The following ALPK2 variants were observed in gnomAD, a reference collection of about 807,000 sequenced individuals.
The protein encoded by ALPK2 is alpha-protein kinase 2.
In ALPK2, 127 loss-of-function variants were observed where a neutral mutation model predicts 163.1. The ratio of observed to expected loss-of-function variants is 0.78; its 90% confidence interval spans 0.67 to 0.90. The LOEUF (loss-of-function observed/expected upper bound fraction) is 0.90, where lower values mean the gene tolerates loss of function less well. Among genes scored for constraint, ALPK2 ranks in the 40% least tolerant of loss-of-function variants. The probability of loss-of-function intolerance (pLI) is 0.00; values close to 1 mark genes in which losing one functional copy is unlikely to be tolerated. For synonymous variants in ALPK2, 953 were observed against 959.1 expected (o/e 0.99, Z 0.12); for missense variants, 2,360 against 2,589.6 (o/e 0.91, Z 1.92).
chr18:58,600,025 A>ATTTTTT (rs1568097627), intron 3 of ALPK2, among the ~76,000 whole-genome samples: 2 of 82,902 alleles, frequency 2.4e-5, no homozygotes, highest in East Asian at 5.8e-4. Flanking sequence ...CAATGGGGAT[A>ATTTTTT]TCTTTTTTTT....
chr18:58,600,257 G>A (rs2052062507), intron 3 of ALPK2, among the ~76,000 whole-genome samples: 1 of 152,032 alleles, frequency 6.6e-6, no homozygotes, highest in Admixed American at 6.6e-5. Flanking sequence ...GGCTGGTCTT[G>A]AACTCCTGAC....
In ALPK2 at chr18:58,538,174, T is replaced by C. The variant is rs1416024877; in HGVS notation, c.2013A>G (p.Pro671=). The C allele has an allele frequency of 6.2e-7, 1 of 1,613,488 alleles. No homozygotes were observed. The highest frequency in any genetic ancestry group is 1.7e-5 in the Admixed American group (1 of 60,028). ...VRETISCSQM[P]AFSEPAGEES... The stretch of plus-strand genomic sequence containing the variant: ...CCTCCCCAGCAGGCTCTGAGAAAGC[T>C]GGCATCTGGCTGCAAGAGATTGTCT... The change falls in exon 5 of 13, where the codon CCA becomes CCG. Residue 671 remains proline (P), a synonymous_variant. Transcript: ENST00000361673.
intron 1 of ALPK2, 106 bp from the exon 2 acceptor site, chr18:58,611,923 G>A (rs927370675): frequency 6.9e-5 from 46 of 667,922 alleles, no homozygotes; most frequent in Admixed American, 1.6e-4. Flanking sequence ...CTCACTGCAC[G>A]CTGGAGGGTG....
chr18:58,627,147 A>T (rs2052235163), intron 1 of ALPK2, among the ~76,000 whole-genome samples: 1 of 152,184 alleles, frequency 6.6e-6, no homozygotes. Flanking sequence ...CATCCAGAGT[A>T]AGATACTAAC....
chr18:58,516,201 A>C (rs147550580), intron 9 of ALPK2, among the ~76,000 whole-genome samples: 2,773 of 151,786 alleles, frequency 0.018, 83 homozygotes, highest in African/African-American at 0.063. Context: ...GCCTGGGGGA[A>C]AGAGTGAGAC....
chr18:58,504,480 GTCCA>G (rs142981161), intron 10 of ALPK2, among the ~76,000 whole-genome samples: 17,003 of 152,022 alleles, frequency 0.11, 1,157 homozygotes, highest in East Asian at 0.37. Context: ...CCATCCATTT[GTCCA>G]TCCATTCATC....
At chr18:58,531,979 G>A (rs1237267452) in intron 5 of ALPK2, among the ~76,000 whole-genome samples, 2 of 146,634 alleles carry the variant, frequency 1.4e-5, no homozygotes, top group African/African-American at 5.0e-5. Flanking sequence ...CTGTTGTCAA[G>A]GGCTGGCCCT....
Position 58,536,453 on chromosome 18 carries a change from G to A in ALPK2, c.3734C>T (p.Ala1245Val). 6.2e-7 allele frequency: 1 copy of A among 1,614,134 alleles called. No individual in the cohort carries two copies. The highest frequency in any genetic ancestry group is 1.1e-5 in the South Asian group (1 of 91,080). ...TTGTCGTGGTGGCCAGATTTCAGAA[G>A]CGGAAGCCTCTAGAGTTATAATCTT... The part of the protein sequence containing the change: ...KLKIITLEAS[A>V]SEIWPPRQLT... Residue 1245 changes from alanine to valine, a missense_variant, in exon 5 of 13, where the codon GCT (alanine) becomes GTT (valine). Coordinates refer to ENST00000361673, the MANE Select transcript of ALPK2 (RefSeq NM_052947.4).
intron 11 of ALPK2, 97 bp downstream of exon 11, chr18:58,503,834 C>T (rs765312496): frequency 3.6e-5 from 40 of 1,116,350 alleles, no homozygotes; most frequent in Non-Finnish European, 5.1e-5. Context: ...AGGTACCCAG[C>T]AGGCCTATCC....
intron 4 of ALPK2, among the ~76,000 whole-genome samples, chr18:58,575,395 A>G (rs1353988795): frequency 1.3e-5 from 2 of 152,116 alleles, no homozygotes; most frequent in African/African-American, 4.8e-5. Context: ...ACGGAGCTCA[A>G]TTCTGTGCTT....
At chr18:58,605,534 A>G (rs904912758) in intron 3 of ALPK2, among the ~76,000 whole-genome samples, 13 of 152,236 alleles carry the variant, frequency 8.5e-5, no homozygotes, top group Admixed American at 6.5e-5. Flanking sequence ...TGAGGCCCAC[A>G]GTCTACTGAA....
Position 58,523,796 on chromosome 18 carries a change from A to T in ALPK2, c.5665+10T>A. ...CATTTCCTCTGGCAGGTCAACCCTA[A>T]CTGACTTACCTTTAGTATCCTGGCG... On this transcript the variant is annotated intron_variant, in intron 8 of 12. Transcript: ENST00000361673. 1 of 1,614,152 alleles carries T rather than the reference A, an allele frequency of 6.2e-7. No homozygotes were observed. Among genetic ancestry groups the T allele is most frequent in the Non-Finnish European group, 8.5e-7 (1 of 1,180,002 alleles).
Position 58,523,813 on chromosome 18 carries a change from A to C in ALPK2, c.5658T>G (p.Asp1886Glu). ...CAACCCTAACTGACTTACCTTTAGT[A>C]TCCTGGCGACTTGACAGCTGTTTGA... Reference protein sequence around the residue: ...EVLKQLSSRQDTKGCEEIEFS... With the variant: ...EVLKQLSSRQETKGCEEIEFS... Residue 1886 changes from aspartate (D) to glutamate (E), a missense_variant, in exon 8 of 13, where the codon GAT becomes GAG. Physicochemically the swap from Asp to Glu is conservative, Grantham distance 45. Transcript: ENST00000361673. 6.2e-7 allele frequency: 1 copy of C among 1,614,176 alleles called. No homozygotes were observed. The highest frequency in any genetic ancestry group is 8.5e-7 in the Non-Finnish European group (1 of 1,180,028).
In ALPK2 at chr18:58,535,937, G is replaced by T. The variant is rs1787207765; in HGVS notation, c.4250C>A (p.Ala1417Asp). 6 of 1,614,200 alleles carry T rather than the reference G, an allele frequency of 3.7e-6. No homozygotes were observed. The highest frequency in any genetic ancestry group is 5.1e-6 in the Non-Finnish European group (6 of 1,180,036). The change falls in exon 5 of 13, where the codon GCT (alanine) becomes GAT (aspartate). Residue 1417 changes from alanine to aspartate, a missense_variant. Physicochemically the swap from Ala to Asp is moderately radical, Grantham distance 126 (BLOSUM62 -2). Transcript: ENST00000361673. ...DEISVIEYTR[A>D]GKPEPSETTP... ...GGTTTCAGAGGGCTCTGGTTTTCCA[G>T]CCCTGGTGTACTCTATCACACTTAT...
Position 58,536,278 on chromosome 18 carries a change from A to G in ALPK2, c.3909T>C (p.Ala1303=). 1 of 1,614,186 alleles carries G rather than the reference A, an allele frequency of 6.2e-7. No homozygotes were observed. Among genetic ancestry groups the G allele is most frequent in the Non-Finnish European group, 8.5e-7 (1 of 1,180,026 alleles). Residue 1303 remains alanine (A), a synonymous_variant, in exon 5 of 13, where the codon GCT becomes GCC. Coordinates refer to ENST00000361673, the MANE Select transcript of ALPK2 (RefSeq NM_052947.4). The stretch of plus-strand genomic sequence containing the variant: ...CTCTGCTATCAGCAAGGGCTGACTC[A>G]GCATCCTCTGGACTGTGAGCCAATG... The part of the protein sequence containing the change: ...IAALAHSPED[A]ESALADSRES...
intron 4 of ALPK2, among the ~76,000 whole-genome samples, chr18:58,539,631 G>A (rs2051679749): frequency 1.3e-5 from 2 of 152,196 alleles, no homozygotes; most frequent in Non-Finnish European, 2.9e-5. Context: ...GATGTGCAGG[G>A]AACAGATGAC....
In ALPK2 at chr18:58,573,374, A is replaced by ATG. The variant is rs1316024729; in HGVS notation, c.1962+5438_1962+5439dup. ...TATATATATGTGTGTGTATATATAT[A>ATG]TGTGTGTGTATATATATATATGTGT... On this transcript the variant is annotated intron_variant, in intron 4 of 12. Transcript: ENST00000361673. Among the ~76,000 whole-genome samples, 72 of 144,126 alleles carry ATG rather than the reference A, an allele frequency of 5.0e-4. 1 individual carries two copies. The highest frequency in any genetic ancestry group is 1.5e-3 in the African/African-American group (57 of 38,668). 94.6% of individuals were successfully genotyped at this position (144,126 alleles called of 152,430 possible).
At chr18:58,546,028 A>G (rs1048286141) in intron 4 of ALPK2, among the ~76,000 whole-genome samples, 1 of 152,232 alleles carries the variant, frequency 6.6e-6, no homozygotes, top group Non-Finnish European at 1.5e-5. Flanking sequence ...GAAAGCTTAA[A>G]GGCAAGCTAG....
intron 4 of ALPK2, among the ~76,000 whole-genome samples, chr18:58,570,142 A>G (rs1011155332): frequency 2.1e-4 from 32 of 150,896 alleles, no homozygotes; most frequent in African/African-American, 4.4e-4. Context: ...AAAAAAAAAA[A>G]AAAAGAAAAG....
Sources: gnomAD v4.1 joint callset for allele counts (sites outside exome capture counted in the v4.1 genomes callset) on GRCh38, gnomAD v4.1.1 for gene constraint, MANE v1.5 for transcripts, NCBI Gene and HGNC (gene_info 2026-07-23, HGNC 2026-07-21) for gene names.